INPP1: variants seen among roughly 807,000 people sequenced by gnomAD.
INPP1 encodes the protein inositol polyphosphate-1-phosphatase, also known as inositol polyphosphate 1-phosphatase.
In INPP1, 18 loss-of-function variants were observed where a neutral mutation model predicts 23.0. The observed-to-expected ratio is 0.78, with a 90% CI of 0.54 to 1.16. INPP1 has a LOEUF of 1.16. Ranked by LOEUF, INPP1 falls within the 50% of genes most tolerant of loss-of-function variation. The probability of loss-of-function intolerance (pLI) is 0.00; values close to 1 mark genes in which losing one functional copy is unlikely to be tolerated. For synonymous variants in INPP1, 164 were observed against 176.3 expected (o/e 0.93, Z 0.55); for missense variants, 448 against 482.1 (o/e 0.93, Z 0.66).
chr2:190,368,997 G>A lies in INPP1; in HGVS notation c.467-106G>A, dbSNP rs1053216274. On this transcript the variant is annotated intron_variant, in intron 5 of 6. Transcript: ENST00000392329. The surrounding 1 kb of genome is among the most constrained non-coding windows in gnomAD (Gnocchi z 4.3). ...CAATTCAATACAGTGACATCCAAAG[G>A]TAAAAAATTATTGGTTACCAAATCA... The A allele has an allele frequency of 1.0e-5, 6 of 600,546 alleles. No homozygotes were observed. Among genetic ancestry groups the A allele is most frequent in the Non-Finnish European group, 1.6e-5 (6 of 365,670 alleles). The allele number at this position is 600,546 out of a possible 1,614,324, so 37.2% of individuals were successfully genotyped here.
intron 2 of INPP1, among the ~76,000 whole-genome samples, chr2:190,357,720 T>C (rs1689444529): frequency 6.6e-6 from 1 of 152,240 alleles, no homozygotes; most frequent in African/African-American, 2.4e-5. Flanking sequence ...CTAAAGGCAG[T>C]GACATCTGCA....
chr2:190,355,281 A>G lies in INPP1; in HGVS notation c.-64-4758A>G, dbSNP rs973881043. On this transcript the variant is annotated intron_variant, in intron 2 of 6. Transcript: ENST00000392329. The surrounding 1 kb of genome is among the most constrained non-coding windows in gnomAD (Gnocchi z 5.1). ...AGGTGCCTAGAAGGATGCCTGGCATATAGTAAGCACCTAGTAAATGTTAGC... is the reference window on the plus strand; with the variant it reads ...AGGTGCCTAGAAGGATGCCTGGCATGTAGTAAGCACCTAGTAAATGTTAGC... 6.6e-6 allele frequency among the ~76,000 whole-genome samples: 1 copy of G among 152,256 alleles called. No individual in the cohort carries two copies. Among genetic ancestry groups the G allele is most frequent in the Non-Finnish European group, 1.5e-5 (1 of 68,048 alleles).
rs4940 is a variant in INPP1 at position 190,366,777 on chromosome 2, G to A, written c.348G>A (p.Val116=). The change falls in exon 5 of 7, where the codon GTG becomes GTA. Residue 116 remains valine, a synonymous_variant. Coordinates refer to ENST00000392329, the MANE Select transcript of INPP1 (RefSeq NM_001128928.2). Reference sequence around the variant, plus strand: ...GCAAAGTCCTCAATGGTAACAAGGTGGCATCTGAAGCATTAGCCAGGGTTG... The same window carrying A: ...GCAAAGTCCTCAATGGTAACAAGGTAGCATCTGAAGCATTAGCCAGGGTTG... ...LLSKVLNGNK[V]ASEALARVVH... is the part of the protein sequence containing the mutation. 395,064 of 1,609,998 alleles carry A rather than the reference G, an allele frequency of 0.25. 50,895 individuals are homozygous for A. The highest frequency in any genetic ancestry group is 0.48 in the East Asian group (21,713 of 44,838).
chr2:190,362,793 C>A, intron 4 of INPP1, 106 bp downstream of exon 4: 2 of 640,036 alleles, frequency 3.1e-6, no homozygotes, highest in Non-Finnish European at 5.2e-6. Context: ...TTACTGTAAA[C>A]AACATAATAT....
chr2:190,366,145 C>A (rs1490572135), intron 4 of INPP1, among the ~76,000 whole-genome samples: 1 of 150,860 alleles, frequency 6.6e-6, no homozygotes, highest in Non-Finnish European at 1.5e-5. Context: ...TGCTCTCTCT[C>A]GCTCTTTCGC....
chr2:190,362,966 G>C (rs1689563958), intron 4 of INPP1: 6 of 239,286 alleles, frequency 2.5e-5, no homozygotes, highest in South Asian at 1.3e-4. Context: ...TGGGAAAATT[G>C]CATGGCCCTT....
chr2:190,371,187 G>T lies in INPP1; in HGVS notation c.985G>T (p.Gly329Trp), dbSNP rs758274194. The part of the protein sequence containing the change: ...AAHAILRAMG[G>W]GIVDLKECLE... ...TCATGCCATACTGAGGGCCATGGGT[G>T]GGGGAATAGTAGACTTGAAAGAATG... The change falls in exon 7 of 7, where the codon GGG becomes TGG. Residue 329 changes from glycine to tryptophan, a missense_variant. Transcript: ENST00000392329. The surrounding 1 kb of genome is among the most constrained non-coding windows in gnomAD (Gnocchi z 5.3). 6.2e-7 allele frequency: 1 copy of T among 1,613,978 alleles called. No individual in the cohort carries two copies.
At chr2:190,361,908 G>T (rs939930313) in intron 3 of INPP1, among the ~76,000 whole-genome samples, 4 of 152,204 alleles carry the variant, frequency 2.6e-5, no homozygotes, top group African/African-American at 7.2e-5. Flanking sequence ...TGTTCCCTGA[G>T]AATATGTGTA....
Position 190,362,635 on chromosome 2 carries a change from C to A in INPP1, c.213C>A (p.Gly71=). 1 of 1,606,346 alleles carries A rather than the reference C, an allele frequency of 6.2e-7. No individual in the cohort carries two copies. The highest frequency in any genetic ancestry group is 8.5e-7 in the Non-Finnish European group (1 of 1,175,208). The change falls in exon 4 of 7, where the codon GGC becomes GGA. Residue 71 remains glycine, a synonymous_variant. Transcript: ENST00000392329. ...IKQNMENKFP[G]LEKNIFGEES... ...TACTCTGAATCATTCAGTTTCCAGG[C>A]TTGGAAAAAAATATTTTTGGAGAAG...
At chr2:190,348,511 C>G (rs1373213028) in intron 1 of INPP1, among the ~76,000 whole-genome samples, 1 of 152,126 alleles carries the variant, frequency 6.6e-6, no homozygotes, top group Non-Finnish European at 1.5e-5. Flanking sequence ...TTTTCATCAT[C>G]CCACACAAAA....
chr2:190,361,718 G>A (rs1019789573), intron 3 of INPP1, among the ~76,000 whole-genome samples: 1 of 152,110 alleles, frequency 6.6e-6, no homozygotes, highest in Non-Finnish European at 1.5e-5. Flanking sequence ...TCTCAGAACT[G>A]GTCTTTAAGC....
At chr2:190,362,198 C>G (rs1173436640) in intron 3 of INPP1, among the ~76,000 whole-genome samples, 1 of 152,210 alleles carries the variant, frequency 6.6e-6, no homozygotes, top group Non-Finnish European at 1.5e-5. Context: ...CTAATTCCTT[C>G]TATCCAGTCT....
In INPP1 at chr2:190,354,327, T is replaced by C. The variant is rs1272890641; in HGVS notation, c.-65+5296T>C. Among the ~76,000 whole-genome samples, 1 of 152,236 alleles carries C rather than the reference T, an allele frequency of 6.6e-6. No individual in the cohort carries two copies. Among genetic ancestry groups the C allele is most frequent in the African/African-American group, 2.4e-5 (1 of 41,466 alleles). On this transcript the variant is annotated intron_variant, in intron 2 of 6. Transcript: ENST00000392329. The surrounding 1 kb of genome is among the most constrained non-coding windows in gnomAD (Gnocchi z 4.8). ...TGTGTCAGCTAATAGATTGGGTCGC[T>C]AAGGTAACCACGGCCTGTCTTTCAG...
Position 190,367,985 on chromosome 2 carries a change from A to C in INPP1, c.466+1090A>C, listed in dbSNP as rs1444760970. ...AATGGGACCATTCAAGGACCAGGCA[A>C]ACTCCTCTCTGGGCCCTTCCCATCC... On this transcript the variant is annotated intron_variant, in intron 5 of 6. Transcript: ENST00000392329. This position sits in a 1 kb window ranked among gnomAD's most constrained non-coding sequence, Gnocchi z 4.1. Among the ~76,000 whole-genome samples, 1 of 152,054 alleles carries C rather than the reference A, an allele frequency of 6.6e-6. No homozygotes were observed. The highest frequency in any genetic ancestry group is 1.5e-5 in the Non-Finnish European group (1 of 68,000).
Position 190,363,518 on chromosome 2 carries a change from G to T in INPP1, c.265+831G>T, listed in dbSNP as rs541613309. 6.6e-6 allele frequency among the ~76,000 whole-genome samples: 1 copy of T among 152,060 alleles called. No homozygotes were observed. Among genetic ancestry groups the T allele is most frequent in the African/African-American group, 2.4e-5 (1 of 41,470 alleles). On this transcript the variant is annotated intron_variant, in intron 4 of 6. Transcript: ENST00000392329. This position sits in a 1 kb window ranked among gnomAD's most constrained non-coding sequence, Gnocchi z 4.4. ...ACAATTTTTTTTTTTAGTTTGTTTGGATTTAATAGTAGAAGAATAAAATAG... is the reference window on the plus strand; with the variant it reads ...ACAATTTTTTTTTTTAGTTTGTTTGTATTTAATAGTAGAAGAATAAAATAG...
At position 190,365,244 on chromosome 2, in the gene INPP1, TC is replaced by T. The variant is rs1468516099; in HGVS notation, c.266-1450del. On this transcript the variant is annotated intron_variant, in intron 4 of 6. Coordinates refer to ENST00000392329, the MANE Select transcript of INPP1 (RefSeq NM_001128928.2). ...TTTGAAGAAGCAGCTTTGCTTATGTTCTGGTTCTCAATGGGCTCCACAGAGG... is the reference window on the plus strand; with the variant it reads ...TTTGAAGAAGCAGCTTTGCTTATGTTTGGTTCTCAATGGGCTCCACAGAGG... 3.6e-5 allele frequency: 6 copies of T among 166,596 alleles called. No homozygotes were observed. The South Asian group carries it at 6.1e-4, about 17-fold the overall frequency. 10.3% of individuals were successfully genotyped at this position (166,596 alleles called of 1,614,324 possible). A position where few individuals can be genotyped will look rare whatever the true frequency, so the allele number is the denominator to read the frequency against.
intron 4 of INPP1, among the ~76,000 whole-genome samples, chr2:190,365,983 GTCTCGCTCTC>G (rs1424750936): frequency 4.9e-5 from 1 of 20,390 alleles, no homozygotes; most frequent in Non-Finnish European, 8.1e-5. Context: ...CTCTCGCTCT[GTCTCGCTCTC>G]TCTCGCTCTC....
chr2:190,360,148 G>A lies in INPP1; in HGVS notation c.46G>A (p.Ala16Thr). The A allele has an allele frequency of 6.2e-7, 1 of 1,614,004 alleles. No individual in the cohort carries two copies. ...GCTGCTCTGTGTCTCTGAGAAGGCT[G>A]CTAACATTGCCCGGGCGTGCAGACA... ...RELLCVSEKA[A>T]NIARACRQQE... Residue 16 changes from alanine to threonine, a missense_variant, in exon 3 of 7, where the codon GCT (alanine) becomes ACT (threonine). Transcript: ENST00000392329.
intron 4 of INPP1, among the ~76,000 whole-genome samples, chr2:190,365,455 A>C (rs980483159): frequency 2.0e-5 from 3 of 152,242 alleles, no homozygotes; most frequent in African/African-American, 7.2e-5. Context: ...TCAGACACGG[A>C]CAGGGTGACT....
Sources: gnomAD v4.1 joint callset for allele counts (sites outside exome capture counted in the v4.1 genomes callset) on GRCh38, gnomAD v4.1.1 for gene constraint, Gnocchi (gnomAD v3.1) non-coding constraint, MANE v1.5 for transcripts, NCBI Gene and HGNC (gene_info 2026-07-23, HGNC 2026-07-21) for gene names.